Variants in PALM2AKAP2 observed in about 807,000 individuals in gnomAD.
PALM2AKAP2 encodes the protein PALM2 and AKAP2 fusion.
PALM2AKAP2 carries 37 observed loss-of-function variants against 71.5 expected under a neutral mutation model. The observed-to-expected ratio is 0.52, with a 90% CI of 0.40 to 0.68. The LOEUF (loss-of-function observed/expected upper bound fraction) is 0.68. Ranked by LOEUF, PALM2AKAP2 falls within the 30% of genes least tolerant of loss-of-function variation. The pLI, the probability that PALM2AKAP2 is intolerant of heterozygous loss-of-function variation, is 0.00. For missense variants in PALM2AKAP2, 1,224 were observed against 1,191.8 expected, an observed-to-expected ratio of 1.03 and a Z score of -0.40; for synonymous variants, 468 against 478.8, an observed-to-expected ratio of 0.98 and a Z score of 0.29.
chr9:110,112,382 C>CAAAT (rs1835272106), intron 1 of PALM2AKAP2, among the ~76,000 whole-genome samples: 1 of 152,182 alleles, frequency 6.6e-6, no homozygotes, highest in African/African-American at 2.4e-5. Context: ...ATTACTTAAG[C>CAAAT]TCTGAGCTTC....
At chr9:110,055,862 G>A (rs1833827827) in intron 1 of PALM2AKAP2, among the ~76,000 whole-genome samples, 1 of 152,198 alleles carries the variant, frequency 6.6e-6, no homozygotes, top group East Asian at 1.9e-4. Context: ...TTAGAAGAGT[G>A]TGCATATGTA....
At chr9:109,980,293 G>A (rs1311942972) in intron 6 of PALM2AKAP2, among the ~76,000 whole-genome samples, 1 of 152,108 alleles carries the variant, frequency 6.6e-6, no homozygotes, top group Non-Finnish European at 1.5e-5. Context: ...GAAAGAATGG[G>A]GCTGATCTCA....
intron 1 of PALM2AKAP2, among the ~76,000 whole-genome samples, chr9:109,703,358 C>A (rs1363142065): frequency 6.6e-6 from 1 of 152,068 alleles, no homozygotes; most frequent in Non-Finnish European, 1.5e-5. Context: ...ATTTTTCTTA[C>A]TATCTAAGTT....
intron 2 of PALM2AKAP2, among the ~76,000 whole-genome samples, chr9:109,872,346 C>G (rs1327944342): frequency 6.6e-6 from 1 of 151,960 alleles, no homozygotes; most frequent in Non-Finnish European, 1.5e-5. Context: ...TTCCTTCTGT[C>G]CCTTGGTTGA....
chr9:109,810,652 A>C (rs1379910773), intron 1 of PALM2AKAP2, among the ~76,000 whole-genome samples: 3 of 152,120 alleles, frequency 2.0e-5, no homozygotes, highest in African/African-American at 4.8e-5. Context: ...GAGGAATAGA[A>C]AATGGAGTAG....
At chr9:109,834,165 A>C (rs1828388415) in intron 1 of PALM2AKAP2, among the ~76,000 whole-genome samples, 1 of 152,260 alleles carries the variant, frequency 6.6e-6, no homozygotes, top group African/African-American at 2.4e-5. Context: ...GTGAGCCAAG[A>C]TCACACCACT....
intron 3 of PALM2AKAP2, among the ~76,000 whole-genome samples, chr9:109,907,597 C>G (rs1159942491): frequency 1.3e-5 from 2 of 152,160 alleles, no homozygotes; most frequent in Non-Finnish European, 2.9e-5. Context: ...GAGAACATGA[C>G]AGAGAACAAT....
At chr9:109,733,648 C>T (rs1828587428) in intron 1 of PALM2AKAP2, among the ~76,000 whole-genome samples, 1 of 152,178 alleles carries the variant, frequency 6.6e-6, no homozygotes. Flanking sequence ...ACCCTATGGC[C>T]TATGGCTTTT....
intron 1 of PALM2AKAP2, among the ~76,000 whole-genome samples, chr9:109,734,544 C>G (rs1350643425): frequency 1.3e-5 from 2 of 152,170 alleles, no homozygotes; most frequent in Non-Finnish European, 2.9e-5. Context: ...ATATTTTCCT[C>G]TTTGCAGACA....
intron 1 of PALM2AKAP2, among the ~76,000 whole-genome samples, chr9:110,099,348 A>G (rs1424753040): frequency 6.6e-6 from 1 of 152,180 alleles, no homozygotes; most frequent in Non-Finnish European, 1.5e-5. Flanking sequence ...CCTTCTACTG[A>G]CATCTGGTAC....
chr9:109,715,813 C>T (rs1016294), intron 1 of PALM2AKAP2, among the ~76,000 whole-genome samples: 47,044 of 152,080 alleles, frequency 0.31, 7,866 homozygotes, highest in African/African-American at 0.44. Flanking sequence ...AGAATTCAGA[C>T]CATTTCTTCT....
intron 1 of PALM2AKAP2, among the ~76,000 whole-genome samples, chr9:109,709,986 C>A (rs1828207227): frequency 6.6e-6 from 1 of 152,064 alleles, no homozygotes; most frequent in African/African-American, 2.4e-5. Flanking sequence ...GCCCTAAATC[C>A]AATGACAGGT....
chr9:109,766,938 C>T (rs1829164112), intron 1 of PALM2AKAP2, among the ~76,000 whole-genome samples: 2 of 152,118 alleles, frequency 1.3e-5, no homozygotes, highest in South Asian at 4.2e-4. Flanking sequence ...AGCCACTGTC[C>T]CCGACTCCAT....
intron 1 of PALM2AKAP2, among the ~76,000 whole-genome samples, chr9:109,784,409 A>G (rs1230664346): frequency 6.6e-6 from 1 of 152,234 alleles, no homozygotes; most frequent in Non-Finnish European, 1.5e-5. Context: ...TGGGTAAAAT[A>G]AAATATAAAA....
intron 1 of PALM2AKAP2, among the ~76,000 whole-genome samples, chr9:110,096,345 C>CTG (rs1834835341): frequency 6.6e-6 from 1 of 152,050 alleles, no homozygotes; most frequent in Non-Finnish European, 1.5e-5. Flanking sequence ...GTCACTGTAG[C>CTG]TTCAACCTCC....
intron 3 of PALM2AKAP2, among the ~76,000 whole-genome samples, chr9:109,899,140 C>G (rs1830273737): frequency 6.6e-6 from 1 of 151,908 alleles, no homozygotes; most frequent in Non-Finnish European, 1.5e-5. Flanking sequence ...CTAACCATAT[C>G]CATTTGGATC....
intron 6 of PALM2AKAP2, among the ~76,000 whole-genome samples, chr9:109,984,376 T>TA (rs1482556047): frequency 7.2e-5 from 11 of 152,302 alleles, no homozygotes; most frequent in African/African-American, 2.6e-4. Context: ...AAACTTTAGA[T>TA]ACTGGGTATG....
intron 6 of PALM2AKAP2, among the ~76,000 whole-genome samples, chr9:109,960,913 T>G (rs1336508743): frequency 6.6e-6 from 1 of 152,186 alleles, no homozygotes; most frequent in African/African-American, 2.4e-5. Context: ...GAGGGAAAAG[T>G]GTTTAGGCAA....
chr9:109,746,245 A>G (rs1262702897), intron 1 of PALM2AKAP2, among the ~76,000 whole-genome samples: 1 of 152,198 alleles, frequency 6.6e-6, no homozygotes, highest in East Asian at 1.9e-4. Flanking sequence ...TCTGACTTGA[A>G]CTTTTGCTGT....
Sources: gnomAD v4.1 joint callset for allele counts (sites outside exome capture counted in the v4.1 genomes callset) on GRCh38, gnomAD v4.1.1 for gene constraint, MANE v1.5 for transcripts, NCBI Gene and HGNC (gene_info 2026-07-23, HGNC 2026-07-21) for gene names.